The following STK32C variants were observed in gnomAD, a reference collection of about 807,000 sequenced individuals.
STK32C encodes the protein serine/threonine kinase 32C.
Under a neutral mutation model 56.5 loss-of-function variants are expected in STK32C, and 31 were observed. The ratio of observed to expected loss-of-function variants is 0.55; its 90% CI spans 0.41 to 0.74. The LOEUF (loss-of-function observed/expected upper bound fraction) is 0.74. Among genes scored for constraint, STK32C ranks in the 30% least tolerant of loss-of-function variants. The probability of loss-of-function intolerance (pLI) is 0.00; values close to 1 mark genes in which losing one functional copy is unlikely to be tolerated. For synonymous variants in STK32C, 309 were observed against 289.4 expected (o/e 1.07, Z -0.69); for missense variants, 544 against 676.9 (o/e 0.80, Z 2.18).
At chr10:132,320,418 G>A (rs1278158317), downstream of STK32C, among the ~76,000 whole-genome samples, 2 of 152,112 alleles carry the variant, frequency 1.3e-5, no homozygotes, top group African/African-American at 4.8e-5. Flanking sequence ...GGTCCGCTGG[G>A]GCTCAGGAGA....
At chr10:132,304,234 G>A (rs2065992769) in intron 1 of STK32C, among the ~76,000 whole-genome samples, 1 of 152,162 alleles carries the variant, frequency 6.6e-6, no homozygotes, top group African/African-American at 2.4e-5. Context: ...CTGCTCAGGG[G>A]AGCACTGCAG....
intron 1 of STK32C, among the ~76,000 whole-genome samples, chr10:132,258,626 C>T (rs1565119358): frequency 6.6e-6 from 1 of 152,248 alleles, no homozygotes; most frequent in Non-Finnish European, 1.5e-5. Context: ...AACAGGGCGG[C>T]GGGCTCACAG....
At chr10:132,224,108 C>T (rs147096567) in intron 8 of STK32C, among the ~76,000 whole-genome samples, 110 of 152,236 alleles carry the variant, frequency 7.2e-4, no homozygotes, top group African/African-American at 1.9e-3. Flanking sequence ...CTGTGGTGAC[C>T]GGCAGGGCGG....
chr10:132,299,647 A>AGACGGGT (rs2065856089), intron 1 of STK32C, among the ~76,000 whole-genome samples: 1 of 152,266 alleles, frequency 6.6e-6, no homozygotes, highest in African/African-American at 2.4e-5. Context: ...TGCAGAGCAG[A>AGACGGGT]GACACCCGTC....
chr10:132,271,253 C>A (rs114242135), intron 1 of STK32C, among the ~76,000 whole-genome samples: 4 of 152,162 alleles, frequency 2.6e-5, no homozygotes, highest in African/African-American at 9.7e-5. Flanking sequence ...TCGGCCTCCA[C>A]GTGGCAGTGG....
rs758719022 is a variant in STK32C, at chr10:132,224,397, G to T, written c.993+10C>A. On this transcript the variant is annotated intron_variant, in intron 8 of 11. Coordinates refer to ENST00000298630, the MANE Select transcript of STK32C (RefSeq NM_173575.4). ...TCGGAGGGTGAGGAGGCTCAGGGAT[G>T]GGGGCTCACCTTCCGCAGCAAGGCC... 5.2e-6 allele frequency: 8 copies of T among 1,544,566 alleles called. No individual in the cohort carries two copies. The highest frequency in any genetic ancestry group is 7.0e-6 in the Non-Finnish European group (8 of 1,141,818).
intron 10 of STK32C, among the ~76,000 whole-genome samples, chr10:132,220,888 G>C (rs2062615959): frequency 6.6e-6 from 1 of 152,212 alleles, no homozygotes; most frequent in South Asian, 2.1e-4. Flanking sequence ...TACAGAAACT[G>C]AGATCATCAC....
chr10:132,313,388 G>A (rs1055876181), intron 1 of STK32C, among the ~76,000 whole-genome samples: 1 of 152,208 alleles, frequency 6.6e-6, no homozygotes, highest in Non-Finnish European at 1.5e-5. Flanking sequence ...CCTTCCACAC[G>A]GGCCACACGA....
intron 10 of STK32C, among the ~76,000 whole-genome samples, chr10:132,216,313 A>C (rs1353504282): frequency 1.3e-5 from 2 of 151,984 alleles, no homozygotes; most frequent in African/African-American, 4.8e-5. Flanking sequence ...AAAATACAAA[A>C]ATTAGCTGGG....
At chr10:132,274,624 A>G (rs1229393530) in intron 1 of STK32C, among the ~76,000 whole-genome samples, 1 of 152,196 alleles carries the variant, frequency 6.6e-6, no homozygotes, top group Non-Finnish European at 1.5e-5. Context: ...GCCCACCAGG[A>G]GCCACGGACG....
chr10:132,224,062 A>G (rs950718267), intron 8 of STK32C, among the ~76,000 whole-genome samples: 1 of 147,978 alleles, frequency 6.8e-6, no homozygotes, highest in South Asian at 2.2e-4. Context: ...CCCTCCTTCC[A>G]ATACGTGGGA....
chr10:132,301,999 C>T (rs1029119262), intron 1 of STK32C, among the ~76,000 whole-genome samples: 11 of 152,194 alleles, frequency 7.2e-5, no homozygotes, highest in Non-Finnish European at 4.4e-5. Context: ...CGCCTGGGGC[C>T]GGCTGGAAAT....
upstream of STK32C, among the ~76,000 whole-genome samples, chr10:132,309,520 C>T (rs544174027): frequency 4.6e-5 from 7 of 152,364 alleles, no homozygotes; most frequent in Admixed American, 3.3e-4. Context: ...CTAGCACAAA[C>T]GCATCGGTCT....
In STK32C at chr10:132,307,727, G is replaced by C; in HGVS notation, c.107C>G (p.Pro36Arg). 1 of 1,232,260 alleles carries C rather than the reference G, an allele frequency of 8.1e-7. No homozygotes were observed. The highest frequency in any genetic ancestry group is 1.0e-6 in the Non-Finnish European group (1 of 979,046). 76.3% of individuals were successfully genotyped at this position (1,232,260 alleles called of 1,614,324 possible). The change falls in exon 1 of 12, where the codon CCG becomes CGG. Residue 36 changes from proline (P) to arginine (R), a missense_variant. Physicochemically the swap from Pro to Arg is moderately radical, Grantham distance 103. Coordinates refer to ENST00000298630, the MANE Select transcript of STK32C (RefSeq NM_173575.4). This position sits in a 1 kb window ranked among gnomAD's most constrained non-coding sequence, Gnocchi z 4.4. ...CCGGGGCTGGCCAGCAGCGGGCGGC[G>C]GCAGGGCCGAGGGCGCGTCGGAGCC... ...PAGSDAPSALPPPAAGQPRAR... is the reference protein window; with the variant it reads ...PAGSDAPSALRPPAAGQPRAR...
rs1409089057 is a variant in STK32C, at chr10:132,225,534, CG to C, written c.764del (p.Pro255ArgfsTer29). 6.2e-7 allele frequency: 1 copy of C among 1,613,878 alleles called. No homozygotes were observed. The highest frequency in any genetic ancestry group is 8.5e-7 in the Non-Finnish European group (1 of 1,180,030). On this transcript the variant is annotated frameshift_variant, in exon 6 of 12. Transcript: ENST00000298630. LOFTEE classifies it high-confidence loss of function. ...ERATALAGTK[P>X]YMAPEIFHSF... is the part of the protein sequence containing the mutation. ...ACCCCAGCTCGGGCTCACCCATGTA[CG>C]GCTTGGTGCCTGCTAATGCCGTCGC...
chr10:132,232,247 A>G (rs1258658736), intron 2 of STK32C, among the ~76,000 whole-genome samples: 1 of 152,180 alleles, frequency 6.6e-6, no homozygotes, highest in Non-Finnish European at 1.5e-5. Flanking sequence ...TGAGGCCTGG[A>G]CTGTCAGGCA....
At chr10:132,320,367 C>G (rs1400357492), downstream of STK32C, among the ~76,000 whole-genome samples, 1 of 151,664 alleles carries the variant, frequency 6.6e-6, no homozygotes, top group African/African-American at 2.4e-5. Context: ...TGAATCTGCA[C>G]GGCGGTGACT....
chr10:132,301,169 C>G (rs2065900787), intron 1 of STK32C, among the ~76,000 whole-genome samples: 1 of 151,578 alleles, frequency 6.6e-6, no homozygotes, highest in African/African-American at 2.4e-5. Flanking sequence ...TAATATGAGC[C>G]CAGAATCAGC....
intron 1 of STK32C, among the ~76,000 whole-genome samples, chr10:132,329,465 TAAAG>T (rs1049613679): frequency 9.2e-5 from 14 of 151,892 alleles, no homozygotes; most frequent in Admixed American, 6.6e-4. Flanking sequence ...TCATGGTAGA[TAAAG>T]AAAGAAAACA....
Sources: allele counts gnomAD v4.1 joint callset (sites outside exome capture counted in the v4.1 genomes callset), GRCh38; gene constraint gnomAD v4.1.1; non-coding constraint Gnocchi (gnomAD v3.1); transcripts MANE v1.5; gene names NCBI Gene and HGNC (gene_info 2026-07-23, HGNC 2026-07-21).